Variants in CACNA1A observed in about 807,000 individuals in gnomAD.
The protein encoded by CACNA1A is calcium voltage-gated channel subunit alpha1 A.
A neutral mutation model predicts 262.4 loss-of-function variants in CACNA1A; 57 were observed. That is an observed-to-expected ratio of 0.22 (90% CI 0.18 to 0.27). The LOEUF (loss-of-function observed/expected upper bound fraction) is 0.27, where lower values mean the gene tolerates loss of function less well. CACNA1A is among the 10% of genes least tolerant of loss of function. CACNA1A has a pLI of 1.00. For missense variants in CACNA1A, 2,526 were observed against 3,562.8 expected, an observed-to-expected ratio of 0.71 and a Z score of 7.41; for synonymous variants, 1,431 against 1,419.3, an observed-to-expected ratio of 1.01 and a Z score of -0.18.
At chr19:13,497,299 T>C (rs924384029) in intron 1 of CACNA1A, among the ~76,000 whole-genome samples, 5 of 150,654 alleles carry the variant, frequency 3.3e-5, no homozygotes, top group Admixed American at 1.3e-4. Context: ...CTCGAATTCA[T>C]TCATTCAAAA....
At chr19:13,226,566 G>A (rs1442699123) in intron 37 of CACNA1A, 1 of 152,278 alleles carries the variant, frequency 6.6e-6, no homozygotes, top group Non-Finnish European at 1.5e-5. Context: ...GTGGATGAAT[G>A]GAGGGAACAG....
chr19:13,406,185 T>C (rs2419551), intron 3 of CACNA1A, among the ~76,000 whole-genome samples: 7,546 of 151,676 alleles, frequency 0.05, 651 homozygotes, highest in African/African-American at 0.17. Context: ...ACGGGCATGG[T>C]GGCTCATGCC....
chr19:13,489,001 TTC>T (rs1435007296), intron 1 of CACNA1A, among the ~76,000 whole-genome samples: 3 of 140,898 alleles, frequency 2.1e-5, no homozygotes, highest in African/African-American at 8.8e-5. Context: ...TTCTTTTCTT[TTC>T]TTTTTTTTTT....
At position 13,406,637 on chromosome 19, in the gene CACNA1A, A is replaced by C. The variant is rs78051329; in HGVS notation, c.540-34858T>G. ...GTGGATTCTACCCAGCTTGGTGAGA[A>C]TTCTCTGTACCCAATTTGCCCTTTG... On this transcript the variant is annotated intron_variant, in intron 3 of 46. Transcript: ENST00000360228. Among the ~76,000 whole-genome samples the C allele has an allele frequency of 3.5e-3, 519 of 150,088 alleles. 4 individuals are homozygous for C. The highest frequency in any genetic ancestry group is 0.012 in the African/African-American group (488 of 40,986).
At chr19:13,413,335 T>A (rs980576090) in intron 3 of CACNA1A, among the ~76,000 whole-genome samples, 5 of 151,180 alleles carry the variant, frequency 3.3e-5, no homozygotes, top group Admixed American at 3.3e-4. Context: ...CTCAATCTCC[T>A]GACCTCGTGA....
Position 13,207,265 on chromosome 19 carries a change from T to C in CACNA1A, c.*48A>G, listed in dbSNP as rs1435545115. On this transcript the variant is annotated 3_prime_UTR_variant, in exon 47 of 47. Transcript: ENST00000360228. The surrounding 1 kb of genome is among the most constrained non-coding windows in gnomAD (Gnocchi z 5.7). ...TCTGCGCGGCTCCTCGGGTGGGGTG[T>C]GTGCGTGGGGTGCGTGGGGGGCCGG... 19 of 1,487,560 alleles carry C rather than the reference T, an allele frequency of 1.3e-5. No individual in the cohort carries two copies. Among genetic ancestry groups the C allele is most frequent in the African/African-American group, 4.4e-5 (3 of 68,218 alleles). The allele number at this position is 1,487,560 out of a possible 1,614,324, so 92.1% of individuals were successfully genotyped here.
intron 10 of CACNA1A, among the ~76,000 whole-genome samples, chr19:13,319,740 G>A (rs950684756): frequency 2.6e-5 from 4 of 152,168 alleles, no homozygotes; most frequent in African/African-American, 7.2e-5. Context: ...AACAGCTGAC[G>A]TTTATGGAAC....
intron 12 of CACNA1A, among the ~76,000 whole-genome samples, chr19:13,309,072 G>A (rs934344379): frequency 6.6e-5 from 10 of 151,886 alleles, no homozygotes; most frequent in Admixed American, 3.3e-4. Context: ...GCAGTGGCGC[G>A]ATCTCAGCTT....
At chr19:13,375,880 G>A (rs2059396599) in intron 3 of CACNA1A, among the ~76,000 whole-genome samples, 1 of 152,146 alleles carries the variant, frequency 6.6e-6, no homozygotes, top group South Asian at 2.1e-4. Flanking sequence ...AAATTAAAAG[G>A]GCTACTCTAG....
intron 3 of CACNA1A, among the ~76,000 whole-genome samples, chr19:13,437,027 T>C (rs532043878): frequency 6.7e-4 from 102 of 152,328 alleles, no homozygotes; most frequent in African/African-American, 2.4e-3. Context: ...TTATGTATCA[T>C]GTCTGGGTAA....
At chr19:13,306,845 A>G (rs2057914708) in intron 15 of CACNA1A, among the ~76,000 whole-genome samples, 1 of 152,176 alleles carries the variant, frequency 6.6e-6, no homozygotes, top group Non-Finnish European at 1.5e-5. Context: ...ATTCCGTCCC[A>G]TGGAAACCAC....
In CACNA1A at chr19:13,308,045, A is replaced by T. The variant is rs1469627132; in HGVS notation, c.1913+75T>A. 22 of 1,578,038 alleles carry T rather than the reference A, an allele frequency of 1.4e-5. No individual in the cohort carries two copies. Among genetic ancestry groups the T allele is most frequent in the Non-Finnish European group, 1.8e-5 (21 of 1,156,184 alleles). ...CTGGGCTACGAGGAAGGCAGCCTGCACGGTGGAGGGGACTGTGTGTTCCCT... is the reference window on the plus strand; with the variant it reads ...CTGGGCTACGAGGAAGGCAGCCTGCTCGGTGGAGGGGACTGTGTGTTCCCT... On this transcript the variant is annotated intron_variant, in intron 14 of 46. Transcript: ENST00000360228. This position sits in a 1 kb window ranked among gnomAD's most constrained non-coding sequence, Gnocchi z 4.2.
chr19:13,341,594 C>T (rs1027084950), intron 6 of CACNA1A, among the ~76,000 whole-genome samples: 4 of 152,142 alleles, frequency 2.6e-5, no homozygotes, highest in South Asian at 2.1e-4. Flanking sequence ...AGTCCTACCT[C>T]GGCCCTTGCA....
At chr19:13,267,148 A>AG (rs2056882844) in intron 24 of CACNA1A, among the ~76,000 whole-genome samples, 2 of 151,122 alleles carry the variant, frequency 1.3e-5, no homozygotes, top group East Asian at 1.9e-4. Flanking sequence ...GAGAGAGAGA[A>AG]AGAGAGAGAG....
chr19:13,366,213 C>A (rs1044089987), intron 4 of CACNA1A: 1 of 152,188 alleles, frequency 6.6e-6, no homozygotes, highest in Non-Finnish European at 1.5e-5. Context: ...CCACCCGCCT[C>A]GGTCTTCCAA....
intron 3 of CACNA1A, among the ~76,000 whole-genome samples, chr19:13,409,029 G>A (rs1182068521): frequency 6.6e-6 from 1 of 152,164 alleles, no homozygotes; most frequent in East Asian, 1.9e-4. Context: ...TGGCTCGTGG[G>A]GGCCTTCCCA....
chr19:13,504,752 C>T (rs1048724200), intron 1 of CACNA1A, among the ~76,000 whole-genome samples: 4 of 152,138 alleles, frequency 2.6e-5, no homozygotes, highest in Non-Finnish European at 1.5e-5. Flanking sequence ...CAGGGTGTGT[C>T]CCCCCTCCTG....
At chr19:13,431,509 T>G (rs1194728342) in intron 3 of CACNA1A, among the ~76,000 whole-genome samples, 1 of 151,998 alleles carries the variant, frequency 6.6e-6, no homozygotes, top group Admixed American at 6.6e-5. Flanking sequence ...GGAGCAGGTT[T>G]GGGTGACGGT....
At chr19:13,404,524 G>C (rs918664353) in intron 3 of CACNA1A, among the ~76,000 whole-genome samples, 10 of 152,206 alleles carry the variant, frequency 6.6e-5, no homozygotes, top group African/African-American at 2.4e-4. Context: ...TCCCGAGAAA[G>C]CTGGAAGTGG....
Sources: gnomAD v4.1 joint callset for allele counts (sites outside exome capture counted in the v4.1 genomes callset) on GRCh38, gnomAD v4.1.1 for gene constraint, Gnocchi (gnomAD v3.1) non-coding constraint, MANE v1.5 for transcripts, NCBI Gene and HGNC (gene_info 2026-07-23, HGNC 2026-07-21) for gene names.